EPHB1: variants seen among roughly 807,000 people sequenced by gnomAD.
EPHB1 encodes the protein EPH receptor B1, also known as ephrin type-B receptor 1.
Under a neutral mutation model 94.4 loss-of-function variants are expected in EPHB1, and 30 were observed. That is an observed-to-expected ratio of 0.32 (90% CI 0.24 to 0.43). EPHB1 has a LOEUF of 0.43. Among genes scored for constraint, EPHB1 ranks in the 20% least tolerant of loss-of-function variants. The probability of loss-of-function intolerance (pLI) is 1.00; values close to 1 mark genes in which losing one functional copy is unlikely to be tolerated. For synonymous variants in EPHB1, 522 were observed against 489.1 expected (o/e 1.07, Z -0.89); for missense variants, 1,055 against 1,308.3 (o/e 0.81, Z 2.99).
intron 3 of EPHB1, among the ~76,000 whole-genome samples, chr3:135,101,052 T>A (rs1476424170): frequency 6.6e-6 from 1 of 152,106 alleles, no homozygotes; most frequent in Admixed American, 6.5e-5. Flanking sequence ...GGGAACCCCT[T>A]TCTCTTAAGG....
Position 135,248,476 on chromosome 3 carries a change from CAA to C in EPHB1, c.2658_2659del (p.Leu888GlnfsTer30), listed in dbSNP as rs1241568644. 1 of 1,611,690 alleles carries C rather than the reference CAA, an allele frequency of 6.2e-7. No homozygotes were observed. Reference sequence around the variant, plus strand: ...CTAGATAAGATGATCCGGAACCCGGCAAGTCTCAAGACTGTGGCAACCATCAC... The same window carrying C: ...CTAGATAAGATGATCCGGAACCCGGCGTCTCAAGACTGTGGCAACCATCAC... On this transcript the variant is annotated frameshift_variant, in exon 14 of 16. Transcript: ENST00000398015. LOFTEE classifies it high-confidence loss of function.
At chr3:134,872,504 G>T (rs1377805538) in intron 1 of EPHB1, among the ~76,000 whole-genome samples, 1 of 152,188 alleles carries the variant, frequency 6.6e-6, no homozygotes, top group African/African-American at 2.4e-5. Context: ...CACATGTAGT[G>T]ATTAGACATT....
At chr3:134,802,508 C>T (rs9841462) in intron 1 of EPHB1, among the ~76,000 whole-genome samples, 124,562 of 152,096 alleles carry the variant, frequency 0.82, 51,199 homozygotes, top group East Asian at 0.96. Context: ...CATCAGGGAT[C>T]GGAAAGAATG....
At chr3:135,132,347 A>C (rs1000984720) in intron 4 of EPHB1, among the ~76,000 whole-genome samples, 1 of 151,126 alleles carries the variant, frequency 6.6e-6, no homozygotes, top group Non-Finnish European at 1.5e-5. Flanking sequence ...AAGATTAGAC[A>C]AAGAATCCAG....
chr3:134,840,418 T>G (rs956555445), intron 1 of EPHB1: 5 of 152,192 alleles, frequency 3.3e-5, no homozygotes, highest in African/African-American at 1.2e-4. Flanking sequence ...CCCCAATTTT[T>G]AAATGATGAC....
At position 135,019,512 on chromosome 3, in the gene EPHB1, G is replaced by T. The variant is rs181632646; in HGVS notation, c.805+67460G>T. On this transcript the variant is annotated intron_variant, in intron 3 of 15. Coordinates refer to ENST00000398015, the MANE Select transcript of EPHB1 (RefSeq NM_004441.5). ...ATCACAGAAATAAAATATGCCTATC[G>T]TAGAAACATGGAAGATATGGGAGAT... Among the ~76,000 whole-genome samples the T allele has an allele frequency of 2.6e-5, 4 of 152,230 alleles. No individual in the cohort carries two copies. The East Asian group carries it at 7.7e-4, about 29-fold the overall frequency.
At chr3:134,999,935 A>G in intron 3 of EPHB1, among the ~76,000 whole-genome samples, 1 of 152,228 alleles carries the variant, frequency 6.6e-6, no homozygotes, top group East Asian at 1.9e-4. Context: ...GTATTGCTCC[A>G]TACTTCTGTC....
intron 3 of EPHB1, among the ~76,000 whole-genome samples, chr3:134,961,227 G>T (rs568747194): frequency 6.6e-6 from 1 of 152,304 alleles, no homozygotes; most frequent in African/African-American, 2.4e-5. Flanking sequence ...TCCAGAGGAT[G>T]CTGTGGCTGC....
rs2035804558 is a variant in EPHB1, at chr3:134,795,538, C to G, written c.-94C>G. Reference sequence around the variant, plus strand: ...GAGAGCGCGAAAGGATACCGAGAAGCCACCCGCGGAGAGCGCAGCGGCGCC... The same window carrying G: ...GAGAGCGCGAAAGGATACCGAGAAGGCACCCGCGGAGAGCGCAGCGGCGCC... On this transcript the variant is annotated 5_prime_UTR_variant, in exon 1 of 16. Coordinates refer to ENST00000398015, the MANE Select transcript of EPHB1 (RefSeq NM_004441.5). 8.1e-7 allele frequency: 1 copy of G among 1,234,370 alleles called. No individual in the cohort carries two copies. Among genetic ancestry groups the G allele is most frequent in the South Asian group, 1.4e-5 (1 of 73,190 alleles). The allele number at this position is 1,234,370 out of a possible 1,614,324, so 76.5% of individuals were successfully genotyped here.
intron 3 of EPHB1, among the ~76,000 whole-genome samples, chr3:135,053,025 GTGTATATATATATATA>G (rs1218310323): frequency 1.1e-4 from 10 of 90,642 alleles, no homozygotes; most frequent in Non-Finnish European, 2.0e-4. Context: ...GTGTGTGTGT[GTGTATATATATATATA>G]TATATATATA....
intron 3 of EPHB1, among the ~76,000 whole-genome samples, chr3:135,077,332 C>T (rs890589519): frequency 6.6e-6 from 1 of 152,188 alleles, no homozygotes; most frequent in Admixed American, 6.5e-5. Context: ...CAGGTTTGTT[C>T]TCTCTTTCTC....
intron 1 of EPHB1, among the ~76,000 whole-genome samples, chr3:134,887,372 A>G (rs1425986827): frequency 6.6e-6 from 1 of 152,228 alleles, no homozygotes; most frequent in Non-Finnish European, 1.5e-5. Context: ...CACATATGCT[A>G]TTGGTCAAAG....
At chr3:134,853,392 G>C (rs549519822) in intron 1 of EPHB1, among the ~76,000 whole-genome samples, 49 of 152,360 alleles carry the variant, frequency 3.2e-4, no homozygotes, top group African/African-American at 1.1e-3. Flanking sequence ...TGGAAATGGA[G>C]AGAAGTGGCA....
intron 1 of EPHB1, among the ~76,000 whole-genome samples, chr3:134,923,065 G>C (rs950253886): frequency 2.0e-5 from 3 of 152,150 alleles, no homozygotes. Flanking sequence ...GTGGAGATGG[G>C]GGGAGGGAGG....
chr3:134,805,934 C>T (rs1361292152), intron 1 of EPHB1, among the ~76,000 whole-genome samples: 4 of 152,068 alleles, frequency 2.6e-5, no homozygotes, highest in African/African-American at 4.8e-5. Flanking sequence ...GCTGGGTACC[C>T]CACAGCTCCG....
intron 5 of EPHB1, among the ~76,000 whole-genome samples, chr3:135,151,349 C>T (rs1278504259): frequency 6.6e-6 from 1 of 152,146 alleles, no homozygotes; most frequent in African/African-American, 2.4e-5. Context: ...CTGATGCCCC[C>T]AGATCAGCCC....
At chr3:134,884,739 G>A (rs1219872914) in intron 1 of EPHB1, among the ~76,000 whole-genome samples, 2 of 152,184 alleles carry the variant, frequency 1.3e-5, no homozygotes, top group Non-Finnish European at 2.9e-5. Context: ...GGGCACGGTG[G>A]AATACTGGTG....
chr3:134,989,211 G>A (rs144799099), intron 3 of EPHB1, among the ~76,000 whole-genome samples: 1 of 152,184 alleles, frequency 6.6e-6, no homozygotes, highest in South Asian at 2.1e-4. Flanking sequence ...TATTTGATTG[G>A]AGGACAAGAT....
intron 1 of EPHB1, among the ~76,000 whole-genome samples, chr3:134,906,740 G>T (rs965388716): frequency 1.3e-5 from 2 of 152,220 alleles, no homozygotes; most frequent in African/African-American, 2.4e-5. Context: ...AGAGCAGCCA[G>T]TGTGGTCAGT....
Sources: gnomAD v4.1 joint callset for allele counts (sites outside exome capture counted in the v4.1 genomes callset) on GRCh38, gnomAD v4.1.1 for gene constraint, MANE v1.5 for transcripts, NCBI Gene and HGNC (gene_info 2026-07-23, HGNC 2026-07-21) for gene names.